Variants in GAA observed in about 807,000 individuals in gnomAD.
GAA encodes the protein lysosomal alpha-glucosidase.
Under a neutral mutation model 103.9 loss-of-function variants are expected in GAA, and 88 were observed. That is an observed-to-expected ratio of 0.85 (90% CI 0.71 to 1.01). The LOEUF is 1.01. Ranked by LOEUF, GAA falls within the 50% of genes least tolerant of loss-of-function variation. GAA has a pLI of 0.00. For missense variants in GAA, 1,350 were observed against 1,305.3 expected (o/e 1.03, Z -0.53); for synonymous variants, 572 against 563.1 (o/e 1.02, Z -0.22).
chr17:80,109,607 A>G (rs1008706183), intron 8 of GAA, among the ~76,000 whole-genome samples: 1 of 143,420 alleles, frequency 7.0e-6, no homozygotes, highest in African/African-American at 2.5e-5. Flanking sequence ...CCTTAAGAGC[A>G]GGAGTGGAAA....
intron 11 of GAA, 95 bp from the exon 12 acceptor site, chr17:80,111,888 C>T: frequency 1.9e-6 from 2 of 1,033,612 alleles, no homozygotes; most frequent in Non-Finnish European, 1.5e-6. Context: ...GAGGCAGCGA[C>T]CTGCACAGGG....
At chr17:80,117,378 C>G (rs1448108845) in intron 16 of GAA, among the ~76,000 whole-genome samples, 1 of 152,208 alleles carries the variant, frequency 6.6e-6, no homozygotes, top group East Asian at 1.9e-4. Flanking sequence ...CTGTGCTGAG[C>G]TGGCATACCC....
chr17:80,108,873 G>T, intron 8 of GAA, 45 bp downstream of exon 8: 1 of 1,549,240 alleles, frequency 6.5e-7, no homozygotes, highest in Non-Finnish European at 8.7e-7. Flanking sequence ...GGGCCGCCCG[G>T]TGCCCAGTGG....
At chr17:80,107,950 C>A in intron 5 of GAA, 54 bp downstream of exon 5, 1 of 1,516,824 alleles carries the variant, frequency 6.6e-7, no homozygotes, top group Admixed American at 1.9e-5. Flanking sequence ...TGCTGCCTGC[C>A]CTGGAGACTG....
At chr17:80,114,695 G>T (rs1379783380) in intron 15 of GAA, among the ~76,000 whole-genome samples, 1 of 152,094 alleles carries the variant, frequency 6.6e-6, no homozygotes, top group Non-Finnish European at 1.5e-5. Flanking sequence ...CACACTGTCT[G>T]CCTTTTATAT....
Position 80,104,829 on chromosome 17 carries a change from G to T in GAA, c.243G>T (p.Gln81His), listed in dbSNP as rs1225860492. 6 of 1,612,474 alleles carry T rather than the reference G, an allele frequency of 3.7e-6. No homozygotes were observed. The highest frequency in any genetic ancestry group is 3.3e-4 in the Middle Eastern group (2 of 6,082). The part of the protein sequence containing the change: ...HPGRPRAVPT[Q>H]CDVPPNSRFD... ...GCCGTCCCAGAGCAGTGCCCACACAGTGCGACGTCCCCCCCAACAGCCGCT... is the reference window on the plus strand; with the variant it reads ...GCCGTCCCAGAGCAGTGCCCACACATTGCGACGTCCCCCCCAACAGCCGCT... Residue 81 changes from glutamine to histidine, a missense_variant, in exon 2 of 20, where the codon CAG (glutamine) becomes CAT (histidine). Physicochemically the swap from Gln to His is conservative, Grantham distance 24. Transcript: ENST00000302262. This position sits in a 1 kb window ranked among gnomAD's most constrained non-coding sequence, Gnocchi z 4.0.
intron 19 of GAA, 131 bp from the exon 20 acceptor site, chr17:80,119,141 G>A (rs930553615): frequency 2.1e-5 from 20 of 964,774 alleles, no homozygotes; most frequent in Admixed American, 3.4e-5. Flanking sequence ...AGGGCCAGAC[G>A]GAGCTGCCCC....
In GAA at chr17:80,112,977, C is replaced by G. The variant is rs1567835860; in HGVS notation, c.1990C>G (p.Leu664Val). The change falls in exon 14 of 20, where the codon CTG becomes GTG. Residue 664 changes from leucine to valine, a missense_variant. Transcript: ENST00000302262. Reference sequence around the variant, plus strand: ...GGAGCTGTGTGTGCGCTGGACCCAGCTGGGGGCCTTCTACCCCTTCATGCG... The same window carrying G: ...GGAGCTGTGTGTGCGCTGGACCCAGGTGGGGGCCTTCTACCCCTTCATGCG... ...SEELCVRWTQ[L>V]GAFYPFMRNH... is the part of the protein sequence containing the mutation. 6.2e-7 allele frequency: 1 copy of G among 1,610,838 alleles called. No individual in the cohort carries two copies. Among genetic ancestry groups the G allele is most frequent in the Non-Finnish European group, 8.5e-7 (1 of 1,179,094 alleles).
chr17:80,118,718 G>C lies in GAA; in HGVS notation c.2712G>C (p.Val904=). The C allele has an allele frequency of 6.2e-7, 1 of 1,613,394 alleles. No individual in the cohort carries two copies. The highest frequency in any genetic ancestry group is 8.5e-7 in the Non-Finnish European group (1 of 1,180,000). ...GAGCTGGCCTGCAGCTGCAGAAGGT[G>C]ACTGTCCTGGGCGTGGCCACGGCGC... The part of the protein sequence containing the change: ...SEGAGLQLQK[V]TVLGVATAPQ... The change falls in exon 19 of 20, where the codon GTG becomes GTC. Residue 904 remains valine, a synonymous_variant. Coordinates refer to ENST00000302262, the MANE Select transcript of GAA (RefSeq NM_000152.5).
intron 2 of GAA, 150 bp from the exon 3 acceptor site, chr17:80,105,599 G>A (rs2039063731): frequency 1.1e-6 from 1 of 899,912 alleles, no homozygotes; most frequent in Admixed American, 2.0e-5. Context: ...GCAGATGAGG[G>A]AGCCGAGGCT....
intron 15 of GAA, among the ~76,000 whole-genome samples, chr17:80,114,797 C>A (rs1463502515): frequency 6.6e-6 from 1 of 152,134 alleles, no homozygotes; most frequent in African/African-American, 2.4e-5. Context: ...AGAAGGACTC[C>A]CTTTAGTATT....
In GAA at chr17:80,105,142, G is replaced by T; in HGVS notation, c.546+10G>T. ...CCGCCTCCACTTCACGGTGGGCAGGGCAGGGGCGGGGGCGGCGGCCAGGGC... is the reference window on the plus strand; with the variant it reads ...CCGCCTCCACTTCACGGTGGGCAGGTCAGGGGCGGGGGCGGCGGCCAGGGC... On this transcript the variant is annotated intron_variant, in intron 2 of 19. Coordinates refer to ENST00000302262, the MANE Select transcript of GAA (RefSeq NM_000152.5). The T allele has an allele frequency of 1.3e-6, 2 of 1,600,006 alleles. No homozygotes were observed. Among genetic ancestry groups the T allele is most frequent in the Admixed American group, 1.7e-5 (1 of 59,910 alleles).
At chr17:80,108,207 G>A (rs571369729) in intron 5 of GAA, 83 bp from the exon 6 acceptor site, 4 of 1,609,010 alleles carry the variant, frequency 2.5e-6, no homozygotes, top group African/African-American at 2.7e-5. Context: ...TCAACTCTCC[G>A]CCTGTGATTG....
rs2039197680 is a variant in GAA, at chr17:80,110,123, G to C, written c.1437+68G>C. The stretch of plus-strand genomic sequence containing the variant: ...CTCCAGCCAGGGGGAGCCGGCAGCT[G>C]CTCAGGAAGACGGTGGGATTTGAGG... On this transcript the variant is annotated intron_variant, in intron 9 of 19. Transcript: ENST00000302262. 2.3e-6 allele frequency: 3 copies of C among 1,278,140 alleles called. No individual in the cohort carries two copies. In the East Asian group the frequency reaches 7.0e-5, roughly 30 times the overall value. The allele number at this position is 1,278,140 out of a possible 1,614,324, so 79.2% of individuals were successfully genotyped here. A position where few individuals can be genotyped will look rare whatever the true frequency, so the allele number is the denominator to read the frequency against.
At chr17:80,102,895 T>C (rs2038986761) in intron 1 of GAA, among the ~76,000 whole-genome samples, 1 of 152,224 alleles carries the variant, frequency 6.6e-6, no homozygotes, top group Non-Finnish European at 1.5e-5. Flanking sequence ...GAGTCTGTGC[T>C]GACTCCAGGT....
intron 3 of GAA, 59 bp downstream of exon 3, chr17:80,105,953 C>T (rs983562118): frequency 6.5e-7 from 1 of 1,537,512 alleles, no homozygotes; most frequent in South Asian, 1.2e-5. Flanking sequence ...TCTCACACGG[C>T]AGGGAGGGCC....
chr17:80,119,465 C>A lies in GAA; in HGVS notation c.*134C>A. 1.3e-6 allele frequency: 1 copy of A among 774,900 alleles called. No individual in the cohort carries two copies. 48.0% of individuals were successfully genotyped at this position (774,900 alleles called of 1,614,324 possible). A position where few individuals can be genotyped will look rare whatever the true frequency, so the allele number is the denominator to read the frequency against. On this transcript the variant is annotated 3_prime_UTR_variant, in exon 20 of 20. Coordinates refer to ENST00000302262, the MANE Select transcript of GAA (RefSeq NM_000152.5). ...GGAGCTGGGCACTAACCATTCCAAG[C>A]CGCCGCATCGCTTGTTTCCACCTCC... is the stretch of plus-strand genomic sequence containing the variant.
chr17:80,109,924 G>C, intron 8 of GAA, 21 bp from the exon 9 acceptor site: 1 of 1,602,128 alleles, frequency 6.2e-7, no homozygotes, highest in South Asian at 1.1e-5. Context: ...CCCTCACCTT[G>C]ACAGGTTTCC....
chr17:80,107,531 A>T, intron 3 of GAA, 26 bp from the exon 4 acceptor site: 1 of 1,612,612 alleles, frequency 6.2e-7, no homozygotes, highest in East Asian at 2.2e-5. Context: ...GGGTGTGAGC[A>T]AGCCTGGCTG....
Sources: gnomAD v4.1 joint callset for allele counts (sites outside exome capture counted in the v4.1 genomes callset) on GRCh38, gnomAD v4.1.1 for gene constraint, Gnocchi (gnomAD v3.1) non-coding constraint, MANE v1.5 for transcripts, NCBI Gene and HGNC (gene_info 2026-07-23, HGNC 2026-07-21) for gene names.